PLAA: variants seen among roughly 807,000 people sequenced by gnomAD.
PLAA encodes the protein phospholipase A-2-activating protein.
A neutral mutation model predicts 84.1 loss-of-function variants in PLAA; 48 were observed. The ratio of observed to expected loss-of-function variants is 0.57; its 90% CI spans 0.45 to 0.73. PLAA has a LOEUF of 0.73. Ranked by LOEUF, PLAA falls within the 30% of genes least tolerant of loss-of-function variation. The pLI is 0.00. For missense variants in PLAA, 903 were observed against 954.7 expected (o/e 0.95, Z 0.71); for synonymous variants, 392 against 336.6 (o/e 1.16, Z -1.80).
intron 2 of PLAA, among the ~76,000 whole-genome samples, chr9:26,933,303 T>A (rs1362832496): frequency 2.1e-5 from 3 of 144,426 alleles, no homozygotes; most frequent in Non-Finnish European, 4.5e-5. Flanking sequence ...CGCATGGTGG[T>A]GGGCACCTGT....
chr9:26,922,031 T>C (rs1018379965), intron 7 of PLAA, among the ~76,000 whole-genome samples: 1 of 152,214 alleles, frequency 6.6e-6, no homozygotes, highest in Non-Finnish European at 1.5e-5. Context: ...AAAGCCTGAA[T>C]AACCGTAGTC....
At chr9:26,915,773 T>C in intron 10 of PLAA, 1 of 985,374 alleles carries the variant, frequency 1.0e-6, no homozygotes, top group Non-Finnish European at 1.2e-6. Context: ...TGAGATATGC[T>C]CTGGTTATAA....
At chr9:26,918,848 A>G (rs1824659668) in intron 9 of PLAA, among the ~76,000 whole-genome samples, 1 of 152,208 alleles carries the variant, frequency 6.6e-6, no homozygotes. Flanking sequence ...CATTTATAAC[A>G]TGAGATACGA....
At position 26,913,934 on chromosome 9, in the gene PLAA, A is replaced by G. The variant is rs778419345; in HGVS notation, c.1500T>C (p.Tyr500=). The part of the protein sequence containing the change: ...TADPFTGAGR[Y]VPGSASMGTT... ...TTCCCATACTTGCAGAACCTGGTAC[A>G]TAACGACCAGCACCTACAATACAAT... is the stretch of plus-strand genomic sequence containing the variant. Residue 500 remains tyrosine (Y), a synonymous_variant, in exon 11 of 14, where the codon TAT becomes TAC. Coordinates refer to ENST00000397292, the MANE Select transcript of PLAA (RefSeq NM_001031689.3). 8 of 1,611,498 alleles carry G rather than the reference A, an allele frequency of 5.0e-6. No individual in the cohort carries two copies. Among genetic ancestry groups the G allele is most frequent in the Non-Finnish European group, 5.1e-6 (6 of 1,177,674 alleles).
intron 1 of PLAA, among the ~76,000 whole-genome samples, chr9:26,937,374 C>A (rs761516522): frequency 1.3e-5 from 2 of 151,980 alleles, no homozygotes; most frequent in African/African-American, 2.4e-5. Flanking sequence ...ACAACAACAA[C>A]AAAAAGATAA....
At chr9:26,937,810 T>C (rs1825409796) in intron 1 of PLAA, among the ~76,000 whole-genome samples, 1 of 150,086 alleles carries the variant, frequency 6.7e-6, no homozygotes, top group Non-Finnish European at 1.5e-5. Flanking sequence ...AAGAAATAAT[T>C]AGCAAACTTG....
intron 10 of PLAA, among the ~76,000 whole-genome samples, chr9:26,915,293 G>T (rs1824515172): frequency 6.6e-6 from 1 of 151,902 alleles, no homozygotes; most frequent in Non-Finnish European, 1.5e-5. Flanking sequence ...ATCAGAGCAT[G>T]AATAATTTTA....
rs117284709 is a variant in PLAA at position 26,926,797 on chromosome 9, C to T, written c.566-237G>A. Among the ~76,000 whole-genome samples the T allele has an allele frequency of 9.6e-4, 146 of 152,088 alleles. 1 individual carries two copies. The highest frequency in any genetic ancestry group is 1.8e-3 in the Non-Finnish European group (122 of 67,984). On this transcript the variant is annotated intron_variant, in intron 4 of 13. Coordinates refer to ENST00000397292, the MANE Select transcript of PLAA (RefSeq NM_001031689.3). ...ACATTCATCCTACCTTCTCCAAAAA[C>T]CTCCAGAAATAGTATTTTGACCCCA...
chr9:26,916,004 A>G, intron 10 of PLAA: 2 of 985,420 alleles, frequency 2.0e-6, no homozygotes, highest in Non-Finnish European at 2.4e-6. Flanking sequence ...GACTTCCTTA[A>G]CAGCCACTGT....
At chr9:26,933,239 G>A (rs1360849986) in intron 2 of PLAA, among the ~76,000 whole-genome samples, 1 of 151,166 alleles carries the variant, frequency 6.6e-6, no homozygotes, top group Non-Finnish European at 1.5e-5. Flanking sequence ...CTGCACTCCA[G>A]CCTGGTGAAA....
Position 26,905,880 on chromosome 9 carries a change from T to C in PLAA, c.2019A>G (p.Gln673=), listed in dbSNP as rs200816744. ...FCNCFVGQAG[Q]KLMMSQRESL... is the part of the protein sequence containing the mutation. ...ATTCCCTCTGGGACATCATGAGTTT[T>C]TGTCCTGCCTGGCCAACAAAACAAT... The change falls in exon 14 of 14, where the codon CAA becomes CAG. Residue 673 remains glutamine, a synonymous_variant. Transcript: ENST00000397292. The C allele has an allele frequency of 8.4e-4, 1,361 of 1,614,188 alleles. 24 individuals are homozygous for C. The South Asian group carries it at 0.014, about 16-fold the overall frequency.
Position 26,905,489 on chromosome 9 carries a change from T to C in PLAA, c.*22A>G, listed in dbSNP as rs904558857. On this transcript the variant is annotated 3_prime_UTR_variant, in exon 14 of 14. Transcript: ENST00000397292. ...GAAAAAAACACTAATCAATTAAAAA[T>C]ATCCGTCCCTCTTCCCCACTGCTAC... 4.0e-6 allele frequency: 6 copies of C among 1,510,758 alleles called. No homozygotes were observed. The highest frequency in any genetic ancestry group is 4.5e-5 in the East Asian group (2 of 44,278). The allele number at this position is 1,510,758 out of a possible 1,614,324, so 93.6% of individuals were successfully genotyped here.
In PLAA at chr9:26,947,221, G is replaced by A; in HGVS notation, c.-176C>T. 3.0e-6 allele frequency: 2 copies of A among 676,106 alleles called. No homozygotes were observed. The highest frequency in any genetic ancestry group is 4.7e-6 in the Non-Finnish European group (2 of 425,160). The allele number at this position is 676,106 out of a possible 1,614,324, so 41.9% of individuals were successfully genotyped here. A position where few individuals can be genotyped will look rare whatever the true frequency, so the allele number is the denominator to read the frequency against. On this transcript the variant is annotated 5_prime_UTR_variant, in exon 1 of 14. Transcript: ENST00000397292. ...CGGCTGGGAAGGGGCGCGCCGAGCG[G>A]GCCGAGTGACACAGCAAGCCTGACA... is the stretch of plus-strand genomic sequence containing the variant.
rs1336804705 is a variant in PLAA, at chr9:26,905,621, C to G, written c.2278G>C (p.Val760Leu). The G allele has an allele frequency of 1.9e-6, 3 of 1,614,026 alleles. No individual in the cohort carries two copies. The highest frequency in any genetic ancestry group is 2.5e-6 in the Non-Finnish European group (3 of 1,179,906). ...ACACCTAAAGACTTGGCTAATTGTACAGCATTTGAATCATCACTGATAAGT... is the reference window on the plus strand; with the variant it reads ...ACACCTAAAGACTTGGCTAATTGTAGAGCATTTGAATCATCACTGATAAGT... The part of the protein sequence containing the change: ...GTLISDDSNA[V>L]QLAKSLGVDS... Residue 760 changes from valine to leucine, a missense_variant, in exon 14 of 14, where the codon GTA becomes CTA. Val to Leu is a conservative substitution (Grantham distance 32, BLOSUM62 1). Coordinates refer to ENST00000397292, the MANE Select transcript of PLAA (RefSeq NM_001031689.3).
chr9:26,926,244 G>A (rs1824955400), intron 5 of PLAA, 149 bp downstream of exon 5: 1 of 612,408 alleles, frequency 1.6e-6, no homozygotes, highest in Non-Finnish European at 2.8e-6. Context: ...TTTGTAAACA[G>A]GAGAAAGATA....
intron 6 of PLAA, 117 bp downstream of exon 6, chr9:26,925,708 G>A (rs1824927344): frequency 4.0e-6 from 3 of 757,354 alleles, no homozygotes; most frequent in Non-Finnish European, 2.2e-6. Context: ...AGTAATTGAA[G>A]TGTCCATATA....
chr9:26,926,252 ATACT>A (rs2131393239), intron 5 of PLAA, 137 bp downstream of exon 5: 3 of 618,666 alleles, frequency 4.8e-6, no homozygotes, highest in South Asian at 4.7e-5. Flanking sequence ...CAGGAGAAAG[ATACT>A]TAATGAAATA....
At chr9:26,921,819 A>G (rs1253621570) in intron 7 of PLAA, among the ~76,000 whole-genome samples, 1 of 152,220 alleles carries the variant, frequency 6.6e-6, no homozygotes, top group African/African-American at 2.4e-5. Context: ...TCAATATTAA[A>G]AAATGGCATT....
intron 7 of PLAA, among the ~76,000 whole-genome samples, chr9:26,920,662 T>C (rs576482131): frequency 6.6e-6 from 1 of 152,238 alleles, no homozygotes; most frequent in African/African-American, 2.4e-5. Flanking sequence ...GAATATATCT[T>C]CCTAACACAT....
Sources: gnomAD v4.1 joint callset for allele counts (sites outside exome capture counted in the v4.1 genomes callset) on GRCh38, gnomAD v4.1.1 for gene constraint, MANE v1.5 for transcripts, NCBI Gene and HGNC (gene_info 2026-07-23, HGNC 2026-07-21) for gene names.